NAALADL2: variants seen among roughly 807,000 people sequenced by gnomAD.
The protein encoded by NAALADL2 is inactive N-acetylated-alpha-linked acidic dipeptidase-like protein 2.
In NAALADL2, 76 loss-of-function variants were observed where a neutral mutation model predicts 87.2. The ratio of observed to expected loss-of-function variants is 0.87; its 90% CI spans 0.72 to 1.05. The LOEUF is 1.05. Ranked by LOEUF, NAALADL2 falls within the 50% of genes least tolerant of loss-of-function variation. The pLI, the probability that NAALADL2 is intolerant of heterozygous loss-of-function variation, is 0.00. For synonymous variants in NAALADL2, 354 were observed against 331.0 expected, an observed-to-expected ratio of 1.07 and a Z score of -0.75; for missense variants, 1,089 against 945.8, an observed-to-expected ratio of 1.15 and a Z score of -1.99.
intron 1 of NAALADL2, among the ~76,000 whole-genome samples, chr3:174,476,251 G>A (rs1412649529): frequency 1.3e-5 from 2 of 150,660 alleles, no homozygotes; most frequent in African/African-American, 2.4e-5. Flanking sequence ...AAACAGAGCA[G>A]TAGTCTTTTT....
rs1488900416 is a variant in NAALADL2, at chr3:175,804,298, G to A, written c.*1095G>A. The A allele has an allele frequency of 6.6e-6, 1 of 151,690 alleles. No homozygotes were observed. The highest frequency in any genetic ancestry group is 1.5e-5 in the Non-Finnish European group (1 of 67,808). 9.4% of individuals were successfully genotyped at this position (151,690 alleles called of 1,614,324 possible). On this transcript the variant is annotated 3_prime_UTR_variant, in exon 14 of 14. Transcript: ENST00000454872. The stretch of plus-strand genomic sequence containing the variant: ...TTTTTTCTTCTTTATCCTTAATTGT[G>A]ACTAAGATGGAAATCTAGAAAATAT...
intron 5 of NAALADL2, among the ~76,000 whole-genome samples, chr3:175,351,359 T>A (rs1553870626): frequency 6.6e-6 from 1 of 152,082 alleles, no homozygotes; most frequent in Non-Finnish European, 1.5e-5. Flanking sequence ...TGTGTAATTT[T>A]AGTTTCATAC....
At chr3:175,109,813 T>G (rs1313776006) in intron 2 of NAALADL2, among the ~76,000 whole-genome samples, 1 of 151,804 alleles carries the variant, frequency 6.6e-6, no homozygotes, top group Non-Finnish European at 1.5e-5. Context: ...GGTCATCATA[T>G]TTACAAACAA....
chr3:175,060,688 A>T (rs116442234), intron 1 of NAALADL2, among the ~76,000 whole-genome samples: 2,914 of 152,306 alleles, frequency 0.019, 103 homozygotes, highest in African/African-American at 0.066. Context: ...TGTTAGCTAC[A>T]GGGTATACAT....
chr3:174,493,599 A>G (rs552303460), intron 1 of NAALADL2, among the ~76,000 whole-genome samples: 7 of 152,160 alleles, frequency 4.6e-5, no homozygotes, highest in Non-Finnish European at 2.9e-5. Flanking sequence ...AATACAATGA[A>G]TTTTCTTTAA....
intron 3 of NAALADL2, among the ~76,000 whole-genome samples, chr3:174,786,459 AAAAAAAAT>A (rs1716671187): frequency 7.1e-6 from 1 of 140,814 alleles, no homozygotes; most frequent in African/African-American, 2.7e-5. Context: ...CAAAAAAAAA[AAAAAAAAT>A]AATAAATAAA....
At chr3:175,404,622 G>T (rs188185126) in intron 5 of NAALADL2, among the ~76,000 whole-genome samples, 2 of 152,084 alleles carry the variant, frequency 1.3e-5, no homozygotes, top group Non-Finnish European at 2.9e-5. Context: ...TTACTAAGTC[G>T]CATGAAACCT....
intron 1 of NAALADL2, among the ~76,000 whole-genome samples, chr3:174,488,280 C>CTAAAAAAAA (rs1717980939): frequency 1.3e-5 from 2 of 151,978 alleles, no homozygotes; most frequent in African/African-American, 4.8e-5. Flanking sequence ...GGTTTTAAAT[C>CTAAAAAAAA]CAGATTCAGC....
At chr3:175,434,473 C>G (rs1718294216) in intron 5 of NAALADL2, among the ~76,000 whole-genome samples, 1 of 151,920 alleles carries the variant, frequency 6.6e-6, no homozygotes, top group South Asian at 2.1e-4. Flanking sequence ...CTAGCAACAT[C>G]TATATCAGGG....
At position 175,291,059 on chromosome 3, in the gene NAALADL2, T is replaced by G. The variant is rs369786009; in HGVS notation, c.940-33116T>G. Among the ~76,000 whole-genome samples, 22 of 152,322 alleles carry G rather than the reference T, an allele frequency of 1.4e-4. 1 individual carries two copies. In the East Asian group the frequency reaches 1.5e-3, roughly 11 times the overall value. On this transcript the variant is annotated intron_variant, in intron 4 of 13. Transcript: ENST00000454872. ...TGTATGTAAAAGCATTGTAATTAAC[T>G]ATTTTACCATTTCTTCTCTGCTGCT...
intron 10 of NAALADL2, among the ~76,000 whole-genome samples, chr3:175,623,188 C>A (rs972111020): frequency 5.3e-5 from 8 of 152,026 alleles, no homozygotes; most frequent in Non-Finnish European, 1.2e-4. Flanking sequence ...AGTTAGATAT[C>A]TTTTGACAAT....
At chr3:175,393,919 T>C (rs1769410871) in intron 5 of NAALADL2, among the ~76,000 whole-genome samples, 1 of 152,236 alleles carries the variant, frequency 6.6e-6, no homozygotes, top group South Asian at 2.1e-4. Flanking sequence ...TTAAAAATGC[T>C]TTTAATCTTT....
chr3:175,095,374 G>A (rs1475482045), intron 1 of NAALADL2, among the ~76,000 whole-genome samples: 2 of 151,826 alleles, frequency 1.3e-5, no homozygotes, highest in Non-Finnish European at 2.9e-5. Flanking sequence ...CGCTATTTGT[G>A]GAATAAGGTC....
At chr3:175,465,536 C>T (rs1281718039) in intron 7 of NAALADL2, among the ~76,000 whole-genome samples, 4 of 144,770 alleles carry the variant, frequency 2.8e-5, no homozygotes, top group Non-Finnish European at 4.5e-5. Flanking sequence ...TGTAGTGACA[C>T]GATCTTCGCT....
At chr3:174,894,662 G>T (rs62286174) in intron 1 of NAALADL2, among the ~76,000 whole-genome samples, 1 of 130,148 alleles carries the variant, frequency 7.7e-6, no homozygotes, top group Non-Finnish European at 1.6e-5. Flanking sequence ...GAAACATCAG[G>T]TGTAATCTGC....
chr3:175,046,189 G>A (rs1319057298), intron 1 of NAALADL2, among the ~76,000 whole-genome samples: 1 of 152,048 alleles, frequency 6.6e-6, no homozygotes, highest in Non-Finnish European at 1.5e-5. Context: ...CTAGGTCAGT[G>A]CTTCATAAAC....
At chr3:175,464,459 A>G (rs944703943) in intron 7 of NAALADL2, among the ~76,000 whole-genome samples, 2 of 151,964 alleles carry the variant, frequency 1.3e-5, no homozygotes, top group South Asian at 4.2e-4. Flanking sequence ...TTCAGATATT[A>G]TGTAGGCTAA....
intron 1 of NAALADL2, among the ~76,000 whole-genome samples, chr3:174,989,925 C>T (rs1425468477): frequency 1.3e-5 from 2 of 151,944 alleles, no homozygotes; most frequent in Non-Finnish European, 2.9e-5. Context: ...ATTTCTGGAT[C>T]TCCCCTCATT....
At position 174,465,999 on chromosome 3, in the gene NAALADL2, T is replaced by C. The variant is rs1167762983; in HGVS notation, c.-184+24967T>C. Among the ~76,000 whole-genome samples, 5 of 152,262 alleles carry C rather than the reference T, an allele frequency of 3.3e-5. No individual in the cohort carries two copies. The East Asian group carries it at 5.8e-4, about 18-fold the overall frequency. ...AGAAGCTTATTTCTCCTTCACACAG[T>C]GGTGGTAGAGTAGTCCAGACTGTCA... is the stretch of plus-strand genomic sequence containing the variant. On this transcript the variant is annotated intron_variant, in intron 1 of 3. Coordinates refer to the NAALADL2 transcript ENST00000434257.
Sources: gnomAD v4.1 joint callset for allele counts (sites outside exome capture counted in the v4.1 genomes callset) on GRCh38, gnomAD v4.1.1 for gene constraint, MANE v1.5 for transcripts, NCBI Gene and HGNC (gene_info 2026-07-23, HGNC 2026-07-21) for gene names.